Variants in ASCC3 observed in about 807,000 individuals in gnomAD.
The protein encoded by ASCC3 is ASC-1 complex subunit P200.
Under a neutral mutation model 256.3 loss-of-function variants are expected in ASCC3, and 158 were observed. That is an observed-to-expected ratio of 0.62 (90% CI 0.54 to 0.70). ASCC3 has a LOEUF of 0.70. ASCC3 is among the 30% of genes least tolerant of loss of function. The pLI is 0.00. For missense variants in ASCC3, 2,259 were observed against 2,626.0 expected, an observed-to-expected ratio of 0.86 and a Z score of 3.05; for synonymous variants, 948 against 883.4, an observed-to-expected ratio of 1.07 and a Z score of -1.30.
At chr6:100,816,068 GACAA>G (rs1770730765) in intron 4 of ASCC3, among the ~76,000 whole-genome samples, 2 of 151,530 alleles carry the variant, frequency 1.3e-5, no homozygotes, top group Admixed American at 6.6e-5. Flanking sequence ...ACAAGCAAAA[GACAA>G]ACAATCCCAT....
Position 100,653,011 on chromosome 6 carries a change from T to C in ASCC3, c.2824-122A>G, listed in dbSNP as rs1775745170. The C allele has an allele frequency of 5.7e-6, 5 of 877,856 alleles. No individual in the cohort carries two copies. In the Admixed American group the frequency reaches 9.7e-5, roughly 17 times the overall value. The allele number at this position is 877,856 out of a possible 1,614,324, so 54.4% of individuals were successfully genotyped here. On this transcript the variant is annotated intron_variant, in intron 17 of 41. Transcript: ENST00000369162. ...TTTTAGTTAGACTTTTTAATTACAA[T>C]TTTTAAAGTACATTTTTCTACATTT...
chr6:100,864,790 T>C (rs1582984158), intron 2 of ASCC3, among the ~76,000 whole-genome samples: 1 of 152,202 alleles, frequency 6.6e-6, no homozygotes, highest in East Asian at 1.9e-4. Flanking sequence ...AGAAATTTAT[T>C]TTCTCACAGT....
chr6:100,800,130 A>G (rs773713995), intron 6 of ASCC3, among the ~76,000 whole-genome samples, 170 bp downstream of exon 6: 2 of 152,042 alleles, frequency 1.3e-5, no homozygotes, highest in African/African-American at 2.4e-5. Flanking sequence ...CAGACAGACC[A>G]TTGCTTTCTT....
chr6:100,864,784 AT>A (rs1773402513), intron 2 of ASCC3, among the ~76,000 whole-genome samples: 1 of 152,188 alleles, frequency 6.6e-6, no homozygotes, highest in African/African-American at 2.4e-5. Flanking sequence ...AACAAGAGAA[AT>A]TTATTTTCTC....
At chr6:100,849,755 G>C (rs1015277790) in intron 3 of ASCC3, among the ~76,000 whole-genome samples, 1 of 152,100 alleles carries the variant, frequency 6.6e-6, no homozygotes, top group Non-Finnish European at 1.5e-5. Context: ...CAAAAGCTAT[G>C]TGACTTACCT....
chr6:100,642,466 G>C, intron 24 of ASCC3, 115 bp downstream of exon 24: 1 of 1,064,688 alleles, frequency 9.4e-7, no homozygotes, highest in African/African-American at 1.6e-5. Context: ...GGGAGTTATA[G>C]AGAAGTTATA....
At chr6:100,650,448 G>C in intron 20 of ASCC3, 90 bp downstream of exon 20, 2 of 1,293,216 alleles carry the variant, frequency 1.5e-6, no homozygotes, top group Non-Finnish European at 2.2e-6. Context: ...ATGTCACAAA[G>C]CAATGCATTC....
chr6:100,589,808 T>C lies in ASCC3; in HGVS notation c.5416-40A>G, dbSNP rs757220925. 4.3e-6 allele frequency: 7 copies of C among 1,610,622 alleles called. No homozygotes were observed. The South Asian group carries it at 7.7e-5, about 18-fold the overall frequency. ...TAACAAATGAAGAGTACGATGAAAG[T>C]ACATATCTTTATAAAATTAATAATT... On this transcript the variant is annotated intron_variant, in intron 35 of 41. Coordinates refer to ENST00000369162, the MANE Select transcript of ASCC3 (RefSeq NM_006828.4).
At chr6:100,665,449 GCA>G (rs1393691999) in intron 14 of ASCC3, among the ~76,000 whole-genome samples, 2 of 152,004 alleles carry the variant, frequency 1.3e-5, no homozygotes, top group Non-Finnish European at 2.9e-5. Context: ...ATCTGGCCGG[GCA>G]CAGTGGGTCA....
At position 100,860,543 on chromosome 6, in the gene ASCC3, T is replaced by C. The variant is rs530778138; in HGVS notation, c.241+3521A>G. ...GACCACAGAGAACTTTGAGTTGGAT[T>C]CTCTATACTTCATTTGTTTATTGAA... On this transcript the variant is annotated intron_variant, in intron 3 of 41. Transcript: ENST00000369162. 9.2e-5 allele frequency among the ~76,000 whole-genome samples: 14 copies of C among 151,996 alleles called. No individual in the cohort carries two copies. In the East Asian group the frequency reaches 2.7e-3, roughly 29 times the overall value.
chr6:100,813,227 G>C (rs1316491339), intron 4 of ASCC3, among the ~76,000 whole-genome samples: 1 of 152,078 alleles, frequency 6.6e-6, no homozygotes, highest in Non-Finnish European at 1.5e-5. Flanking sequence ...AGGCCGAAGC[G>C]GGAGGACTAC....
intron 8 of ASCC3, among the ~76,000 whole-genome samples, chr6:100,784,748 C>T (rs538811551): frequency 1.3e-5 from 2 of 152,050 alleles, no homozygotes; most frequent in African/African-American, 2.4e-5. Context: ...GTAGATGTTA[C>T]ATTTTTAATA....
In ASCC3 at chr6:100,651,060, A is replaced by G. The variant is rs187849679; in HGVS notation, c.3076-346T>C. Among the ~76,000 whole-genome samples, 209 of 151,682 alleles carry G rather than the reference A, an allele frequency of 1.4e-3. 1 individual carries two copies. The highest frequency in any genetic ancestry group is 4.9e-3 in the African/African-American group (203 of 41,386). ...TTGACCAGAGTAAAACCTCTGCCCA[A>G]CTGGATTAGGGCAACTTGAATTATC... On this transcript the variant is annotated intron_variant, in intron 19 of 41. Transcript: ENST00000369162.
At chr6:100,816,376 A>C (rs761872896) in intron 4 of ASCC3, among the ~76,000 whole-genome samples, 1 of 152,146 alleles carries the variant, frequency 6.6e-6, no homozygotes, top group Non-Finnish European at 1.5e-5. Flanking sequence ...CTAAAAAAAA[A>C]CTACCACTCG....
intron 16 of ASCC3, among the ~76,000 whole-genome samples, chr6:100,658,522 A>G (rs537230192): frequency 1.1e-4 from 17 of 151,626 alleles, no homozygotes; most frequent in South Asian, 1.0e-3. Flanking sequence ...ATTTAACTAA[A>G]ATTTCAGTGC....
At chr6:100,835,879 A>G (rs1026978652) in intron 4 of ASCC3, among the ~76,000 whole-genome samples, 1 of 152,144 alleles carries the variant, frequency 6.6e-6, no homozygotes, top group Non-Finnish European at 1.5e-5. Context: ...CCAATTCACC[A>G]GTACAAAATA....
chr6:100,651,627 T>A lies in ASCC3; in HGVS notation c.3008A>T (p.Asp1003Val). The A allele has an allele frequency of 6.3e-7, 1 of 1,580,966 alleles. No homozygotes were observed. The highest frequency in any genetic ancestry group is 8.6e-7 in the Non-Finnish European group (1 of 1,160,002). ...GATATCACCTTCTGTTTTGTGAGCA[T>A]CAAAGAGTTCATTAAAGGTCTACCA... is the stretch of plus-strand genomic sequence containing the variant. ...NTIETFNELFDAHKTEGDIFA... is the reference protein window; with the variant it reads ...NTIETFNELFVAHKTEGDIFA... Residue 1003 changes from aspartate (D) to valine (V), a missense_variant, in exon 19 of 42, where the codon GAT becomes GTT. Around this residue, in one of 2 missense-constraint regions of ASCC3, gnomAD observed 1,839 missense variants for 2,206.7 expected, o/e 0.83. Transcript: ENST00000369162.
chr6:100,584,436 C>T (rs923059441), intron 36 of ASCC3, among the ~76,000 whole-genome samples: 1 of 151,692 alleles, frequency 6.6e-6, no homozygotes, highest in Non-Finnish European at 1.5e-5. Context: ...TTTCCATTTG[C>T]TTGGTAGACT....
intron 8 of ASCC3, among the ~76,000 whole-genome samples, chr6:100,770,860 C>A: frequency 6.9e-6 from 1 of 144,030 alleles, no homozygotes. Context: ...TTTTTTTTTC[C>A]CAAACTCATC....
Sources: allele counts gnomAD v4.1 joint callset (sites outside exome capture counted in the v4.1 genomes callset), GRCh38; gene constraint gnomAD v4.1.1; regional missense constraint gnomAD v4.1.1; transcripts MANE v1.5; gene names NCBI Gene and HGNC (gene_info 2026-07-23, HGNC 2026-07-21).